ASF1A: variants seen among roughly 807,000 people sequenced by gnomAD.
ASF1A encodes histone chaperone ASF1A.
A neutral mutation model predicts 22.0 loss-of-function variants in ASF1A; 5 were observed. The ratio of observed to expected loss-of-function variants is 0.23; its 90% CI spans 0.12 to 0.48. The LOEUF (loss-of-function observed/expected upper bound fraction) is 0.48. ASF1A is among the 20% of genes least tolerant of loss of function. The pLI is 0.99. For synonymous variants in ASF1A, 97 were observed against 86.7 expected, an observed-to-expected ratio of 1.12 and a Z score of -0.66; for missense variants, 137 against 240.6, an observed-to-expected ratio of 0.57 and a Z score of 2.85.
chr6:118,904,120 C>G (rs1052294049), intron 2 of ASF1A, among the ~76,000 whole-genome samples: 1 of 152,128 alleles, frequency 6.6e-6, no homozygotes, highest in African/African-American at 2.4e-5. Context: ...TGTGTTAATG[C>G]TGGTAGCAGT....
chr6:118,896,432 A>G (rs776601629), intron 1 of ASF1A, among the ~76,000 whole-genome samples: 6 of 152,194 alleles, frequency 3.9e-5, no homozygotes, highest in Admixed American at 1.3e-4. Context: ...CTGAACAAAG[A>G]AGATAGATGA....
chr6:118,901,526 T>C (rs941745483), intron 2 of ASF1A, among the ~76,000 whole-genome samples: 15 of 152,190 alleles, frequency 9.9e-5, no homozygotes, highest in Admixed American at 6.5e-5. Flanking sequence ...TTTCTAGTAA[T>C]AAAAATTTTG....
At chr6:118,898,080 A>G (rs9489536) in intron 1 of ASF1A, among the ~76,000 whole-genome samples, 10,039 of 152,232 alleles carry the variant, frequency 0.066, 468 homozygotes, top group East Asian at 0.19. Context: ...AGGTTTTCAG[A>G]AGAAGCCCGG....
intron 2 of ASF1A, among the ~76,000 whole-genome samples, chr6:118,904,530 C>T (rs190371722): frequency 6.6e-6 from 1 of 152,342 alleles, no homozygotes; most frequent in African/African-American, 2.4e-5. Context: ...AGTCTGGCTC[C>T]TTCCATCCGG....
At chr6:118,906,977 A>T (rs972572852) in intron 3 of ASF1A, among the ~76,000 whole-genome samples, 1 of 152,228 alleles carries the variant, frequency 6.6e-6, no homozygotes, top group African/African-American at 2.4e-5. Flanking sequence ...CATCTTTAAA[A>T]GGTGTAGGAA....
At position 118,908,760 on chromosome 6, in the gene ASF1A, T is replaced by C. The variant is rs1318580908; in HGVS notation, c.*1146T>C. 2.0e-5 allele frequency: 3 copies of C among 152,602 alleles called. No individual in the cohort carries two copies. The highest frequency in any genetic ancestry group is 2.9e-5 in the Non-Finnish European group (2 of 68,012). The allele number at this position is 152,602 out of a possible 1,614,324, so 9.5% of individuals were successfully genotyped here. A position where few individuals can be genotyped will look rare whatever the true frequency, so the allele number is the denominator to read the frequency against. On this transcript the variant is annotated 3_prime_UTR_variant, in exon 4 of 4. Coordinates refer to ENST00000229595, the MANE Select transcript of ASF1A (RefSeq NM_014034.3). The stretch of plus-strand genomic sequence containing the variant: ...AGTCCTTCCTCAAAAAATTTTCTTA[T>C]GCTCCATAAAATTGAGGTAGAATAT...
chr6:118,906,719 G>A (rs150638550), intron 3 of ASF1A, among the ~76,000 whole-genome samples: 58 of 152,274 alleles, frequency 3.8e-4, no homozygotes, highest in African/African-American at 1.3e-3. Context: ...AAGATACTTA[G>A]TATTTTCTGA....
At chr6:118,896,056 TTA>T (rs1434321973) in intron 1 of ASF1A, among the ~76,000 whole-genome samples, 1 of 150,852 alleles carries the variant, frequency 6.6e-6, no homozygotes, top group South Asian at 2.1e-4. Context: ...TTTTTTTTTT[TTA>T]AACCTATATA....
chr6:118,894,571 G>C (rs1406680356), intron 1 of ASF1A, 49 bp downstream of exon 1: 4 of 1,454,140 alleles, frequency 2.8e-6, no homozygotes, highest in African/African-American at 1.4e-5. Context: ...GGCTGCAGAC[G>C]TTGAAAGTTT....
At chr6:118,899,868 G>A (rs935937320) in intron 1 of ASF1A, among the ~76,000 whole-genome samples, 4 of 152,206 alleles carry the variant, frequency 2.6e-5, no homozygotes, top group African/African-American at 9.6e-5. Context: ...AGGCCACACA[G>A]TGCAAAATAC....
intron 3 of ASF1A, among the ~76,000 whole-genome samples, chr6:118,906,903 A>C (rs532387853): frequency 4.6e-5 from 7 of 152,192 alleles, no homozygotes; most frequent in Non-Finnish European, 1.0e-4. Context: ...CCATTGATCC[A>C]ATTTGTTATC....
Position 118,907,844 on chromosome 6 carries a change from T to A in ASF1A, c.*230T>A, listed in dbSNP as rs1178764740. 1.2e-5 allele frequency: 5 copies of A among 430,620 alleles called. No individual in the cohort carries two copies. Among genetic ancestry groups the A allele is most frequent in the African/African-American group, 2.0e-5 (1 of 50,218 alleles). 26.7% of individuals were successfully genotyped at this position (430,620 alleles called of 1,614,324 possible). The stretch of plus-strand genomic sequence containing the variant: ...TATTTTATTTGTTCTGAAACTAATC[T>A]GATTAAAGCATATATATTATTTTCT... On this transcript the variant is annotated 3_prime_UTR_variant, in exon 4 of 4. Transcript: ENST00000229595.
chr6:118,899,518 T>C (rs1779663285), intron 1 of ASF1A, among the ~76,000 whole-genome samples: 1 of 152,142 alleles, frequency 6.6e-6, no homozygotes, highest in African/African-American at 2.4e-5. Context: ...ACAGATGATC[T>C]CAGGAGATGT....
In ASF1A at chr6:118,894,371, C is replaced by T; in HGVS notation, c.-43C>T. ...GGCCGCGCGCTGGACTTTATTGTGCCGCAACCAGCCCCAGTTCCCATTGTT... is the reference window on the plus strand; with the variant it reads ...GGCCGCGCGCTGGACTTTATTGTGCTGCAACCAGCCCCAGTTCCCATTGTT... On this transcript the variant is annotated 5_prime_UTR_variant, in exon 1 of 4. Coordinates refer to ENST00000229595, the MANE Select transcript of ASF1A (RefSeq NM_014034.3). The T allele has an allele frequency of 3.3e-6, 5 of 1,535,846 alleles. No individual in the cohort carries two copies. The highest frequency in any genetic ancestry group is 2.4e-5 in the South Asian group (2 of 83,884).
chr6:118,895,571 TCAGTCCAAGAATTCTTG>T (rs1399572290), intron 1 of ASF1A, among the ~76,000 whole-genome samples: 1 of 152,116 alleles, frequency 6.6e-6, no homozygotes, highest in Non-Finnish European at 1.5e-5. Flanking sequence ...ACTCCTCATG[TCAGTCCAAGAATTCTTG>T]GTATTTTTTC....
chr6:118,894,238 A>C lies in ASF1A; in HGVS notation c.-176A>C, dbSNP rs11542663. The C allele has an allele frequency of 0.32, 452,518 of 1,428,496 alleles. 76,569 individuals carry two copies. Among genetic ancestry groups the C allele is most frequent in the East Asian group, 0.63 (25,011 of 39,430 alleles). The allele number at this position is 1,428,496 out of a possible 1,614,324, so 88.5% of individuals were successfully genotyped here. A position where few individuals can be genotyped will look rare whatever the true frequency, so the allele number is the denominator to read the frequency against. On this transcript the variant is annotated 5_prime_UTR_variant, in exon 1 of 4. Transcript: ENST00000229595. ...GTTTAGTGAAATAGGAAAGCTGCAA[A>C]ACACTGTGGAGTGCTCCCGTGTAAA...
intron 3 of ASF1A, among the ~76,000 whole-genome samples, chr6:118,907,130 A>G (rs910318589): frequency 6.6e-5 from 10 of 152,214 alleles, no homozygotes; most frequent in Admixed American, 2.0e-4. Flanking sequence ...TTTAGAAAAC[A>G]GAAGTATAGG....
chr6:118,899,482 T>G (rs1329311194), intron 1 of ASF1A, among the ~76,000 whole-genome samples: 1 of 152,150 alleles, frequency 6.6e-6, no homozygotes, highest in East Asian at 1.9e-4. Context: ...ATACTTATAT[T>G]GCCTACTTCC....
Position 118,894,196 on chromosome 6 carries a change from G to T in ASF1A, c.-218G>T. 2 of 1,369,684 alleles carry T rather than the reference G, an allele frequency of 1.5e-6. No homozygotes were observed. The highest frequency in any genetic ancestry group is 1.9e-6 in the Non-Finnish European group (2 of 1,062,334). The allele number at this position is 1,369,684 out of a possible 1,614,324, so 84.8% of individuals were successfully genotyped here. A position where few individuals can be genotyped will look rare whatever the true frequency, so the allele number is the denominator to read the frequency against. On this transcript the variant is annotated 5_prime_UTR_variant, in exon 1 of 4. Transcript: ENST00000229595. The stretch of plus-strand genomic sequence containing the variant: ...TCGAGGGCAACGCTGCTACTTATCA[G>T]AGCAGAATGGGCTGTAGTTTAGTGA...
Sources: gnomAD v4.1 joint callset for allele counts (sites outside exome capture counted in the v4.1 genomes callset) on GRCh38, gnomAD v4.1.1 for gene constraint, MANE v1.5 for transcripts, NCBI Gene and HGNC (gene_info 2026-07-23, HGNC 2026-07-21) for gene names.